Variants in MYOM3 observed in about 807,000 individuals in gnomAD.
MYOM3 encodes the protein myomesin 3, also known as myomesin-3.
MYOM3 carries 155 observed loss-of-function variants against 191.7 expected under a neutral mutation model. The observed-to-expected ratio is 0.81, with a 90% CI of 0.71 to 0.92. The LOEUF (loss-of-function observed/expected upper bound fraction) is 0.92. MYOM3 is among the 40% of genes least tolerant of loss of function. MYOM3 has a pLI of 0.00. For synonymous variants in MYOM3, 757 were observed against 762.9 expected, an observed-to-expected ratio of 0.99 and a Z score of 0.13; for missense variants, 1,889 against 1,890.6, an observed-to-expected ratio of 1.00 and a Z score of 0.02.
intron 9 of MYOM3, 83 bp from the exon 10 acceptor site, chr1:24,093,191 G>T: frequency 2.3e-6 from 2 of 868,098 alleles, no homozygotes; most frequent in Non-Finnish European, 3.7e-6. Flanking sequence ...GGGGTCTGGA[G>T]ACCCTGGCTG....
rs781464321 is a variant in MYOM3 at position 24,071,966 on chromosome 1, T to C, written c.3013+3A>G. On this transcript the variant is annotated splice_donor_region_variant and intron_variant, in intron 24 of 36. Transcript: ENST00000374434. ...AGGCTGGTAGCTTGGACTGCTTGCT[T>C]ACCTGGGTTTCTGATCTCATGACTC... is the stretch of plus-strand genomic sequence containing the variant. 1 of 1,614,092 alleles carries C rather than the reference T, an allele frequency of 6.2e-7. No individual in the cohort carries two copies. The highest frequency in any genetic ancestry group is 8.5e-7 in the Non-Finnish European group (1 of 1,179,972).
chr1:24,071,805 G>T (rs563597261), intron 24 of MYOM3, among the ~76,000 whole-genome samples, 164 bp downstream of exon 24: 1 of 152,002 alleles, frequency 6.6e-6, no homozygotes, highest in Non-Finnish European at 1.5e-5. Context: ...TTTTCCTTCC[G>T]TGAGCTTCCC....
chr1:24,107,112 C>T lies in MYOM3; in HGVS notation c.363G>A (p.Leu121=), dbSNP rs1242439611. The T allele has an allele frequency of 6.2e-7, 1 of 1,612,204 alleles. No homozygotes were observed. Among genetic ancestry groups the T allele is most frequent in the South Asian group, 1.1e-5 (1 of 90,550 alleles). Residue 121 remains leucine, a synonymous_variant, in exon 4 of 37, where the codon CTG becomes CTA. Coordinates refer to ENST00000374434, the MANE Select transcript of MYOM3 (RefSeq NM_152372.4). The part of the protein sequence containing the change: ...TEIAFLQTHR[L]LRQRRDWKTL... The stretch of plus-strand genomic sequence containing the variant: ...TCTTCCAGTCCCGCCTCTGGCGCAG[C>T]AGCCGGTGGGTCTGCAGGAAGGCGA...
At position 24,063,017 on chromosome 1, in the gene MYOM3, CAG is replaced by C; in HGVS notation, c.3770+107_3770+108del. On this transcript the variant is annotated intron_variant, in intron 32 of 36. Coordinates refer to ENST00000374434, the MANE Select transcript of MYOM3 (RefSeq NM_152372.4). The surrounding 1 kb of genome is among the most constrained non-coding windows in gnomAD (Gnocchi z 4.5). Reference sequence around the variant, plus strand: ...TGGGACCAGGCTCTGCTTGGGGGACCAGAAACTCTGCTTGGAGGACCAGGCAG... The same window carrying C: ...TGGGACCAGGCTCTGCTTGGGGGACCAAACTCTGCTTGGAGGACCAGGCAG... 1.6e-6 allele frequency: 1 copy of C among 617,362 alleles called. No individual in the cohort carries two copies. 38.2% of individuals were successfully genotyped at this position (617,362 alleles called of 1,614,324 possible).
intron 10 of MYOM3, 82 bp downstream of exon 10, chr1:24,092,865 G>T: frequency 1.5e-6 from 2 of 1,340,562 alleles, no homozygotes; most frequent in Non-Finnish European, 2.0e-6. Flanking sequence ...CAGGGTCCTT[G>T]CCTAAGGTTC....
chr1:24,068,602 A>G (rs1643484474), intron 25 of MYOM3, among the ~76,000 whole-genome samples: 1 of 152,080 alleles, frequency 6.6e-6, no homozygotes, highest in South Asian at 2.1e-4. Flanking sequence ...ACTCTTGCCT[A>G]GGCTGGGGTG....
chr1:24,086,406 T>C (rs1004679374), intron 15 of MYOM3, among the ~76,000 whole-genome samples: 3 of 152,084 alleles, frequency 2.0e-5, no homozygotes, highest in East Asian at 1.9e-4. Flanking sequence ...CTCTAACCCA[T>C]GCATTGCTGA....
In MYOM3 at chr1:24,056,486, G is replaced by C. The variant is rs950947927; in HGVS notation, c.*878C>G. ...CAGGTTCAACGGATTCTCCCACCTC[G>C]GCCTTCTGAATAGCCGGGATTACAG... On this transcript the variant is annotated 3_prime_UTR_variant, in exon 37 of 37. Coordinates refer to ENST00000374434, the MANE Select transcript of MYOM3 (RefSeq NM_152372.4). 6.6e-6 allele frequency: 1 copy of C among 152,046 alleles called. No individual in the cohort carries two copies. The highest frequency in any genetic ancestry group is 1.5e-5 in the Non-Finnish European group (1 of 68,026). The allele number at this position is 152,046 out of a possible 1,614,324, so 9.4% of individuals were successfully genotyped here. A position where few individuals can be genotyped will look rare whatever the true frequency, so the allele number is the denominator to read the frequency against.
chr1:24,091,451 T>G (rs1643826846), intron 11 of MYOM3, among the ~76,000 whole-genome samples: 1 of 152,214 alleles, frequency 6.6e-6, no homozygotes, highest in African/African-American at 2.4e-5. Context: ...CTCTGTACCC[T>G]CTTGGTACCA....
At chr1:24,074,303 G>A in intron 22 of MYOM3, 34 bp from the exon 23 acceptor site, 1 of 1,545,794 alleles carries the variant, frequency 6.5e-7, no homozygotes, top group South Asian at 1.1e-5. Context: ...GCTCTGGGAG[G>A]AGCTCCTTGG....
At chr1:24,077,860 C>G (rs1643620903) in intron 20 of MYOM3, among the ~76,000 whole-genome samples, 1 of 152,206 alleles carries the variant, frequency 6.6e-6, no homozygotes, top group African/African-American at 2.4e-5. Context: ...GGGCGAGCCA[C>G]TCATATAGGG....
In MYOM3 at chr1:24,108,109, A is replaced by C. The variant is rs750947861; in HGVS notation, c.162-36T>G. ...AAGGAGGGGAGTAAATGGCTCTTGC[A>C]GGATTGGCTGGGGGCTCCCTGAGAT... On this transcript the variant is annotated intron_variant, in intron 2 of 36. Transcript: ENST00000374434. 6.3e-6 allele frequency: 10 copies of C among 1,596,512 alleles called. No individual in the cohort carries two copies. In the Admixed American group the frequency reaches 1.7e-4, roughly 27 times the overall value.
chr1:24,108,233 C>CG, intron 2 of MYOM3, 160 bp from the exon 3 acceptor site: 1 of 776,226 alleles, frequency 1.3e-6, no homozygotes, highest in Non-Finnish European at 2.1e-6. Context: ...TGCATCCCCC[C>CG]GACCCTGAAT....
At chr1:24,088,367 C>T (rs538362103) in intron 14 of MYOM3, among the ~76,000 whole-genome samples, 2 of 152,082 alleles carry the variant, frequency 1.3e-5, no homozygotes, top group African/African-American at 2.4e-5. Context: ...TCTTTATGTG[C>T]GCTAATTAAT....
chr1:24,088,809 A>C (rs1643777677), intron 14 of MYOM3, among the ~76,000 whole-genome samples: 1 of 152,226 alleles, frequency 6.6e-6, no homozygotes, highest in South Asian at 2.1e-4. Flanking sequence ...CTCCTTGGGA[A>C]GCACTGACAG....
At chr1:24,094,703 C>T (rs746287519) in intron 9 of MYOM3, 150 bp downstream of exon 9, 103 of 729,980 alleles carry the variant, frequency 1.4e-4, no homozygotes, top group Admixed American at 5.5e-4. Context: ...CACCTGGCTG[C>T]ACTCCCGCTC....
Position 24,063,468 on chromosome 1 carries a change from TG to T in MYOM3, c.3661+23del. 6.2e-7 allele frequency: 1 copy of T among 1,613,990 alleles called. No homozygotes were observed. On this transcript the variant is annotated intron_variant, in intron 31 of 36. Transcript: ENST00000374434. The surrounding 1 kb of genome is among the most constrained non-coding windows in gnomAD (Gnocchi z 4.5). ...GTTGGGCATCAGGGCAGGGCAGGGC[TG>T]GGCAAAGAGGCAGGCTGCTTACCAC...
In MYOM3 at chr1:24,063,837, G is replaced by A. The variant is rs1442963071; in HGVS notation, c.3622+235C>T. Among the ~76,000 whole-genome samples, 2 of 152,226 alleles carry A rather than the reference G, an allele frequency of 1.3e-5. No homozygotes were observed. The highest frequency in any genetic ancestry group is 3.4e-3 in the Middle Eastern group (1 of 292). On this transcript the variant is annotated intron_variant, in intron 30 of 36. Transcript: ENST00000374434. The surrounding 1 kb of genome is among the most constrained non-coding windows in gnomAD (Gnocchi z 4.5). ...GGACGGAGGAGTGAACTCAGGCTTCGGGTCTCCAAGCCTGGGCTCACTGTG... is the reference window on the plus strand; with the variant it reads ...GGACGGAGGAGTGAACTCAGGCTTCAGGTCTCCAAGCCTGGGCTCACTGTG...
rs1643849224 is a variant in MYOM3 at position 24,092,287 on chromosome 1, T to C, written c.1119A>G (p.Pro373=). 1.5e-6 allele frequency: 2 copies of C among 1,365,434 alleles called. No homozygotes were observed. Among genetic ancestry groups the C allele is most frequent in the South Asian group, 4.1e-5 (2 of 48,548 alleles). The allele number at this position is 1,365,434 out of a possible 1,614,324, so 84.6% of individuals were successfully genotyped here. Residue 373 remains proline (P), a synonymous_variant, in exon 11 of 37, where the codon CCA becomes CCG. Transcript: ENST00000374434. ...RDAEAENPGA[P]GSPLNVRCLD... ...GGCATCGGACGTTCAGTGGGGAGCC[T>C]GGGGCCCCGGGGTTCTCGGCCTCGG...
Sources: allele counts gnomAD v4.1 joint callset (sites outside exome capture counted in the v4.1 genomes callset), GRCh38; gene constraint gnomAD v4.1.1; non-coding constraint Gnocchi (gnomAD v3.1); transcripts MANE v1.5; gene names NCBI Gene and HGNC (gene_info 2026-07-23, HGNC 2026-07-21).